The following SLC35D2 variants were observed in gnomAD, a reference collection of about 807,000 sequenced individuals.
SLC35D2 encodes the protein nucleotide sugar transporter SLC35D2.
In SLC35D2, 43 loss-of-function variants were observed where a neutral mutation model predicts 41.8. The ratio of observed to expected loss-of-function variants is 1.03; its 90% confidence interval spans 0.81 to 1.33. The LOEUF (loss-of-function observed/expected upper bound fraction) is 1.33, where lower values mean the gene tolerates loss of function less well. Ranked by LOEUF, SLC35D2 falls within the 40% of genes most tolerant of loss-of-function variation. SLC35D2 has a pLI of 0.00. For missense variants in SLC35D2, 380 were observed against 408.4 expected (o/e 0.93, Z 0.60); for synonymous variants, 150 against 163.9 (o/e 0.92, Z 0.65).
At chr9:96,345,593 G>A (rs539545566) in intron 6 of SLC35D2, among the ~76,000 whole-genome samples, 192 bp from the exon 7 acceptor site, 29 of 152,252 alleles carry the variant, frequency 1.9e-4, no homozygotes, top group East Asian at 5.8e-4. Flanking sequence ...AGATGGCTTC[G>A]ACTCAATCGT....
At chr9:96,340,328 G>C (rs1459768512) in intron 8 of SLC35D2, among the ~76,000 whole-genome samples, 1 of 151,928 alleles carries the variant, frequency 6.6e-6, no homozygotes, top group Non-Finnish European at 1.5e-5. Context: ...TTAAAAACTA[G>C]TCAAACTTGG....
At chr9:96,334,982 C>T (rs935573759) in intron 9 of SLC35D2, among the ~76,000 whole-genome samples, 2 of 152,150 alleles carry the variant, frequency 1.3e-5, no homozygotes, top group African/African-American at 4.8e-5. Flanking sequence ...AAAGAGAGAA[C>T]TAATGAATGG....
intron 4 of SLC35D2, among the ~76,000 whole-genome samples, chr9:96,354,748 C>T (rs1460828186): frequency 2.7e-5 from 2 of 74,696 alleles, no homozygotes; most frequent in Non-Finnish European, 4.7e-5. Context: ...GCCTGGGCAA[C>T]AAAGTGAGAC....
In SLC35D2 at chr9:96,382,367, T is replaced by C. The variant is rs568330622; in HGVS notation, c.158+1110A>G. 1.9e-4 allele frequency among the ~76,000 whole-genome samples: 29 copies of C among 151,758 alleles called. No homozygotes were observed. The East Asian group carries it at 1.9e-3, about 10-fold the overall frequency. ...TTCTCTGGAGGCTGCAGCAGAAGGA[T>C]TGCTTGAACCCAGATGGTCGAGGCT... On this transcript the variant is annotated intron_variant, in intron 1 of 11. Transcript: ENST00000253270.
At chr9:96,378,133 T>G (rs190076875) in intron 1 of SLC35D2, among the ~76,000 whole-genome samples, 4 of 152,236 alleles carry the variant, frequency 2.6e-5, no homozygotes, top group Non-Finnish European at 5.9e-5. Flanking sequence ...CTGGGCAGGT[T>G]TGGAAATTAC....
Position 96,358,080 on chromosome 9 carries a change from T to TATATATATATATATATATATATATATA in SLC35D2, c.347+2073_347+2074insTATATATATATATATATATATATATAT, listed in dbSNP as rs1554715405. On this transcript the variant is annotated intron_variant, in intron 4 of 11. Transcript: ENST00000253270. ...ATGGATAAACAAAATATTATATATTTTATATATATATATATATATATATAT... is the reference window on the plus strand; with the variant it reads ...ATGGATAAACAAAATATTATATATTTATATATATATATATATATATATATATATATATATATATATATATATATATAT... Among the ~76,000 whole-genome samples, 25 of 122,680 alleles carry TATATATATATATATATATATATATATA rather than the reference T, an allele frequency of 2.0e-4. 2 individuals carry two copies. The highest frequency in any genetic ancestry group is 3.3e-4 in the Admixed American group (4 of 12,294). The allele number at this position is 122,680 out of a possible 152,430, so 80.5% of individuals were successfully genotyped here. A position where few individuals can be genotyped will look rare whatever the true frequency, so the allele number is the denominator to read the frequency against.
Position 96,336,739 on chromosome 9 carries a change from A to G in SLC35D2, c.730T>C (p.Phe244Leu). 1 of 1,587,184 alleles carries G rather than the reference A, an allele frequency of 6.3e-7. No individual in the cohort carries two copies. Among genetic ancestry groups the G allele is most frequent in the South Asian group, 1.1e-5 (1 of 88,522 alleles). The change falls in exon 9 of 12, where the codon TTT becomes CTT. Residue 244 changes from phenylalanine to leucine, a missense_variant. Physicochemically the swap from Phe to Leu is conservative, Grantham distance 22. Transcript: ENST00000253270. Reference protein sequence around the residue: ...QWKNVVFILQFLLSCFLGFLL... With the variant: ...QWKNVVFILQLLLSCFLGFLL... ...TACCCCAAAAAACAGGAAAGAAGAA[A>G]CTGTAGGATAAACACAACATTCTTC...
At chr9:96,364,338 C>T (rs1830396591) in intron 3 of SLC35D2, 126 bp downstream of exon 3, 6 of 629,850 alleles carry the variant, frequency 9.5e-6, no homozygotes, top group South Asian at 9.4e-5. Flanking sequence ...CCATCTCAAA[C>T]AAAAAAAGAA....
intron 9 of SLC35D2, among the ~76,000 whole-genome samples, chr9:96,326,815 A>AAG (rs1339021342): frequency 6.6e-6 from 1 of 152,028 alleles, no homozygotes; most frequent in Non-Finnish European, 1.5e-5. Context: ...CAAAAAAAAA[A>AAG]AAAAAAGAAA....
chr9:96,345,037 A>T (rs1326042219), intron 7 of SLC35D2, among the ~76,000 whole-genome samples: 1 of 152,150 alleles, frequency 6.6e-6, no homozygotes, highest in Non-Finnish European at 1.5e-5. Context: ...GCTGGTAAAA[A>T]AATTAATTTG....
chr9:96,316,458 C>G (rs1828054899), downstream of SLC35D2, among the ~76,000 whole-genome samples: 1 of 149,864 alleles, frequency 6.7e-6, no homozygotes, highest in African/African-American at 2.5e-5. Context: ...GCACTCCAGC[C>G]TGGGCAAGAC....
At chr9:96,344,038 G>A (rs981422642) in intron 7 of SLC35D2, 42 bp from the exon 8 acceptor site, 23 of 1,298,538 alleles carry the variant, frequency 1.8e-5, no homozygotes, top group African/African-American at 1.4e-4. Flanking sequence ...TTTCAGAAAC[G>A]TGAGGCACAG....
At chr9:96,336,127 A>T (rs893482444) in intron 9 of SLC35D2, among the ~76,000 whole-genome samples, 1 of 152,166 alleles carries the variant, frequency 6.6e-6, no homozygotes, top group African/African-American at 2.4e-5. Flanking sequence ...CAGCCTGGAC[A>T]TCTCTCTTTA....
At chr9:96,359,086 C>T (rs1430926314) in intron 4 of SLC35D2, among the ~76,000 whole-genome samples, 5 of 151,550 alleles carry the variant, frequency 3.3e-5, no homozygotes, top group South Asian at 2.1e-4. Context: ...GGGCGGATCA[C>T]GAGGTCAGGA....
At chr9:96,324,990 C>G (rs994446652) in intron 9 of SLC35D2, among the ~76,000 whole-genome samples, 1 of 152,190 alleles carries the variant, frequency 6.6e-6, no homozygotes, top group African/African-American at 2.4e-5. Flanking sequence ...AGCAGAGGAC[C>G]TCTGGTGTCA....
chr9:96,382,496 C>CACACACACTATATA (rs200897475), intron 1 of SLC35D2, among the ~76,000 whole-genome samples: 3 of 127,914 alleles, frequency 2.3e-5, no homozygotes, highest in African/African-American at 8.8e-5. Context: ...CACACACACA[C>CACACACACTATATA]TATATATATA....
exon 12 of SLC35D2, among the ~76,000 whole-genome samples, chr9:96,313,627 C>T (rs1827983338): frequency 6.6e-6 from 1 of 152,218 alleles, no homozygotes. Context: ...TAATGTAACC[C>T]AAGGTCCCCA....
At chr9:96,363,016 G>A (rs1371819284) in intron 3 of SLC35D2, among the ~76,000 whole-genome samples, 11 of 151,744 alleles carry the variant, frequency 7.2e-5, no homozygotes, top group African/African-American at 1.9e-4. Context: ...ACAGGTGTGC[G>A]CCACCACGCC....
At chr9:96,376,852 C>T (rs1587727650) in intron 1 of SLC35D2, among the ~76,000 whole-genome samples, 2 of 151,546 alleles carry the variant, frequency 1.3e-5, no homozygotes, top group South Asian at 4.2e-4. Context: ...TCAAGTGATC[C>T]ACCCGCCTCG....
Sources: allele counts gnomAD v4.1 joint callset (sites outside exome capture counted in the v4.1 genomes callset), GRCh38; gene constraint gnomAD v4.1.1; transcripts MANE v1.5; gene names NCBI Gene and HGNC (gene_info 2026-07-23, HGNC 2026-07-21).